The following CTNNA3 variants were observed in gnomAD, a reference collection of about 807,000 sequenced individuals.
CTNNA3 encodes catenin alpha 3, also known as catenin alpha-3.
Under a neutral mutation model 95.7 loss-of-function variants are expected in CTNNA3, and 76 were observed. The ratio of observed to expected loss-of-function variants is 0.79; its 90% confidence interval spans 0.66 to 0.96. The LOEUF (loss-of-function observed/expected upper bound fraction) is 0.96, where lower values mean the gene tolerates loss of function less well. Among genes scored for constraint, CTNNA3 ranks in the 40% least tolerant of loss-of-function variants. The probability of loss-of-function intolerance (pLI) is 0.00; values close to 1 mark genes in which losing one functional copy is unlikely to be tolerated. For synonymous variants in CTNNA3, 431 were observed against 374.4 expected, an observed-to-expected ratio of 1.15 and a Z score of -1.74; for missense variants, 1,191 against 1,089.8, an observed-to-expected ratio of 1.09 and a Z score of -1.31.
intron 12 of CTNNA3, among the ~76,000 whole-genome samples, chr10:66,375,017 T>C (rs1394824975): frequency 6.6e-6 from 1 of 152,032 alleles, no homozygotes; most frequent in Non-Finnish European, 1.5e-5. Context: ...AGAGCTACAG[T>C]GCACGAGAAC....
At chr10:66,480,771 A>AT (rs1839494704) in intron 11 of CTNNA3, among the ~76,000 whole-genome samples, 1 of 151,746 alleles carries the variant, frequency 6.6e-6, no homozygotes, top group Admixed American at 6.6e-5. Flanking sequence ...TGCCCGGTTA[A>AT]TTTTTTGTAT....
intron 4 of CTNNA3, among the ~76,000 whole-genome samples, chr10:67,526,436 T>C (rs1370821714): frequency 6.8e-6 from 1 of 147,908 alleles, no homozygotes; most frequent in African/African-American, 2.5e-5. Flanking sequence ...AAATTAGAAA[T>C]AGTTCTATGT....
At chr10:66,473,265 G>T (rs936997025) in intron 11 of CTNNA3, among the ~76,000 whole-genome samples, 1 of 151,872 alleles carries the variant, frequency 6.6e-6, no homozygotes, top group African/African-American at 2.4e-5. Flanking sequence ...GGAGGTAACT[G>T]GATCATGGGG....
intron 7 of CTNNA3, among the ~76,000 whole-genome samples, chr10:67,100,757 C>T (rs1299773298): frequency 6.6e-6 from 1 of 151,692 alleles, no homozygotes; most frequent in Non-Finnish European, 1.5e-5. Flanking sequence ...CATAAATTAT[C>T]TCATTTTGTC....
intron 15 of CTNNA3, among the ~76,000 whole-genome samples, chr10:66,046,213 A>T (rs1026246888): frequency 6.6e-6 from 1 of 152,160 alleles, no homozygotes; most frequent in Non-Finnish European, 1.5e-5. Context: ...GAGCTGCCCC[A>T]GGAAACCATG....
intron 12 of CTNNA3, among the ~76,000 whole-genome samples, chr10:66,331,544 G>A (rs7086774): frequency 0.16 from 24,906 of 151,068 alleles, 2,308 homozygotes; most frequent in South Asian, 0.31. Flanking sequence ...AGTAGAGACG[G>A]GGTTTCACCA....
rs1185136788 is a variant in CTNNA3 at position 67,284,772 on chromosome 10, T to A, written c.580-64902A>T. 2.0e-5 allele frequency among the ~76,000 whole-genome samples: 3 copies of A among 152,208 alleles called. No individual in the cohort carries two copies. The South Asian group carries it at 6.2e-4, about 31-fold the overall frequency. Reference sequence around the variant, plus strand: ...AATGTTATAACCAATGGAGAAAACATTGGAATAAGCTTATAGCATTCCCAG... The same window carrying A: ...AATGTTATAACCAATGGAGAAAACAATGGAATAAGCTTATAGCATTCCCAG... On this transcript the variant is annotated intron_variant, in intron 5 of 17. Transcript: ENST00000433211.
chr10:66,351,432 C>T (rs116550219), intron 12 of CTNNA3, among the ~76,000 whole-genome samples: 135 of 151,834 alleles, frequency 8.9e-4, no homozygotes, highest in African/African-American at 3.1e-3. Flanking sequence ...TTCCTGAGTA[C>T]CATTGTTAAA....
intron 1 of CTNNA3, among the ~76,000 whole-genome samples, chr10:67,707,141 T>C (rs957169246): frequency 6.6e-6 from 1 of 152,192 alleles, no homozygotes; most frequent in East Asian, 1.9e-4. Context: ...TATTCCAACA[T>C]TGGTAGCCAT....
In CTNNA3 at chr10:66,845,725, A is replaced by AAAAAAAAAAAAAC. The variant is rs1160996707; in HGVS notation, c.1048-70202_1048-70201insGTTTTTTTTTTTT. ...TCTCAAAAAAAAAAAAAAAAAAAAA[A>AAAAAAAAAAAAAC]AAAACTAAAAAGGTGAGATATATAT... On this transcript the variant is annotated intron_variant, in intron 7 of 17. Transcript: ENST00000433211. 2.2e-4 allele frequency among the ~76,000 whole-genome samples: 22 copies of AAAAAAAAAAAAAC among 100,374 alleles called. 1 individual carries two copies. The highest frequency in any genetic ancestry group is 3.4e-4 in the Non-Finnish European group (16 of 46,982). 65.8% of individuals were successfully genotyped at this position (100,374 alleles called of 152,430 possible).
intron 9 of CTNNA3, among the ~76,000 whole-genome samples, chr10:66,670,636 C>T (rs10822870): frequency 0.026 from 3,951 of 152,242 alleles, 226 homozygotes; most frequent in East Asian, 0.22. Context: ...CATGTGATTA[C>T]ATTGATCTCA....
intron 5 of CTNNA3, among the ~76,000 whole-genome samples, chr10:67,392,813 AC>A (rs1371791828): frequency 6.6e-6 from 1 of 152,060 alleles, no homozygotes; most frequent in African/African-American, 2.4e-5. Context: ...AGAACAAAAA[AC>A]CAAACACCGC....
intron 3 of CTNNA3, among the ~76,000 whole-genome samples, chr10:67,566,217 C>T (rs998340685): frequency 7.1e-6 from 1 of 141,212 alleles, no homozygotes; most frequent in African/African-American, 2.6e-5. Flanking sequence ...AAGAAACTAC[C>T]ATCAGAGTGA....
At chr10:66,770,306 T>C (rs1254459111) in intron 8 of CTNNA3, among the ~76,000 whole-genome samples, 2 of 152,240 alleles carry the variant, frequency 1.3e-5, no homozygotes, top group South Asian at 2.1e-4. Context: ...CTCTATCTTA[T>C]TTATTTCCGC....
rs542951749 is a variant in CTNNA3 at position 67,321,747 on chromosome 10, C to T, written c.580-101877G>A. ...CCACACCTCTCCTCTTAAATTCAAA[C>T]TCACATATACAACTTGATTTCTGTT... On this transcript the variant is annotated intron_variant, in intron 5 of 17. Coordinates refer to ENST00000433211, the MANE Select transcript of CTNNA3 (RefSeq NM_013266.4). Among the ~76,000 whole-genome samples, 137 of 152,220 alleles carry T rather than the reference C, an allele frequency of 9.0e-4. 1 individual carries two copies. The highest frequency in any genetic ancestry group is 3.1e-3 in the African/African-American group (127 of 41,550).
intron 9 of CTNNA3, among the ~76,000 whole-genome samples, chr10:66,726,980 C>T (rs776350583): frequency 1.3e-5 from 2 of 151,962 alleles, no homozygotes; most frequent in African/African-American, 2.4e-5. Context: ...AAGGCTGATA[C>T]AAGGATTACC....
At chr10:67,503,454 T>A (rs1839296784) in intron 5 of CTNNA3, among the ~76,000 whole-genome samples, 2 of 152,194 alleles carry the variant, frequency 1.3e-5, no homozygotes, top group Non-Finnish European at 2.9e-5. Flanking sequence ...TATTTTTTTT[T>A]ATTATTCTGG....
intron 15 of CTNNA3, among the ~76,000 whole-genome samples, chr10:66,019,715 A>C (rs2079162595): frequency 1.3e-5 from 2 of 150,224 alleles, no homozygotes; most frequent in Non-Finnish European, 3.0e-5. Flanking sequence ...AATTTAAATA[A>C]AAGAAATGGG....
chr10:67,714,960 T>C (rs1841134182), intron 1 of CTNNA3, among the ~76,000 whole-genome samples: 2 of 152,210 alleles, frequency 1.3e-5, no homozygotes, highest in African/African-American at 4.8e-5. Flanking sequence ...CATATGGAGC[T>C]GGAAGTACAA....
Sources: allele counts gnomAD v4.1 joint callset (sites outside exome capture counted in the v4.1 genomes callset), GRCh38; gene constraint gnomAD v4.1.1; transcripts MANE v1.5; gene names NCBI Gene and HGNC (gene_info 2026-07-23, HGNC 2026-07-21).